INPP4B: variants seen among roughly 807,000 people sequenced by gnomAD.
The protein encoded by INPP4B is inositol polyphosphate-4-phosphatase type II B.
Under a neutral mutation model 122.5 loss-of-function variants are expected in INPP4B, and 55 were observed. The ratio of observed to expected loss-of-function variants is 0.45; its 90% CI spans 0.36 to 0.56. The LOEUF is 0.56. Ranked by LOEUF, INPP4B falls within the 20% of genes least tolerant of loss-of-function variation. The pLI, the probability that INPP4B is intolerant of heterozygous loss-of-function variation, is 0.00. For synonymous variants in INPP4B, 403 were observed against 388.7 expected (o/e 1.04, Z -0.43); for missense variants, 1,000 against 1,097.7 (o/e 0.91, Z 1.26).
chr4:142,607,992 G>A (rs747460317), intron 2 of INPP4B, among the ~76,000 whole-genome samples: 18 of 152,210 alleles, frequency 1.2e-4, no homozygotes, highest in Non-Finnish European at 1.8e-4. Flanking sequence ...ATCCAACCTT[G>A]TTCTATGCTT....
intron 25 of INPP4B, among the ~76,000 whole-genome samples, chr4:142,050,938 G>T (rs1488444358): frequency 6.6e-6 from 1 of 151,850 alleles, no homozygotes; most frequent in Admixed American, 6.6e-5. Context: ...ATTACATACA[G>T]ATAATTATTA....
intron 1 of INPP4B, among the ~76,000 whole-genome samples, chr4:142,809,885 A>G (rs1257358929): frequency 3.3e-5 from 5 of 151,994 alleles, no homozygotes; most frequent in Non-Finnish European, 7.4e-5. Flanking sequence ...AGAATTTATC[A>G]TGGGCCAGGC....
intron 2 of INPP4B, among the ~76,000 whole-genome samples, chr4:142,611,222 T>G (rs1742422412): frequency 6.6e-6 from 1 of 152,066 alleles, no homozygotes. Context: ...AGAACTGACT[T>G]ACTCTCAGGA....
At chr4:142,590,313 G>A (rs900366393) in intron 2 of INPP4B, among the ~76,000 whole-genome samples, 3 of 152,204 alleles carry the variant, frequency 2.0e-5, no homozygotes, top group Non-Finnish European at 4.4e-5. Flanking sequence ...AAGATACAAT[G>A]CAGAATTTAT....
intron 18 of INPP4B, among the ~76,000 whole-genome samples, chr4:142,128,203 T>C (rs1799489462): frequency 7.1e-6 from 1 of 141,042 alleles, no homozygotes; most frequent in South Asian, 2.4e-4. Flanking sequence ...TATAAATATA[T>C]ATATGTGTGT....
chr4:142,525,140 T>G (rs1484163135), intron 2 of INPP4B, among the ~76,000 whole-genome samples: 1 of 150,958 alleles, frequency 6.6e-6, no homozygotes, highest in African/African-American at 2.4e-5. Flanking sequence ...CATTCACAAT[T>G]GCTTCAAAGA....
chr4:142,545,743 G>A (rs201128797), intron 2 of INPP4B, among the ~76,000 whole-genome samples: 11 of 132,042 alleles, frequency 8.3e-5, no homozygotes, highest in African/African-American at 2.2e-4. Flanking sequence ...ACATATATGT[G>A]TATATATATA....
At chr4:142,783,330 C>A (rs911220787) in intron 1 of INPP4B, among the ~76,000 whole-genome samples, 21 of 152,066 alleles carry the variant, frequency 1.4e-4, no homozygotes, top group Non-Finnish European at 2.6e-4. Context: ...AAAAAACAAA[C>A]AACCCCTTCA....
chr4:142,474,429 G>T (rs576590000), intron 2 of INPP4B: 1 of 151,708 alleles, frequency 6.6e-6, no homozygotes, highest in Non-Finnish European at 1.5e-5. Context: ...GGCAGGCACA[G>T]CCTCCTGTTG....
chr4:142,763,642 A>G (rs1771661949), intron 1 of INPP4B, among the ~76,000 whole-genome samples: 1 of 152,148 alleles, frequency 6.6e-6, no homozygotes, highest in African/African-American at 2.4e-5. Flanking sequence ...TTGCTTTTCT[A>G]AAGAACAAAT....
At chr4:142,655,324 A>T (rs922019799) in intron 2 of INPP4B, among the ~76,000 whole-genome samples, 9 of 152,210 alleles carry the variant, frequency 5.9e-5, no homozygotes, top group African/African-American at 2.2e-4. Flanking sequence ...GCTTTCATTT[A>T]CAGGGAATAG....
chr4:142,723,892 T>C (rs1765012272), intron 2 of INPP4B, among the ~76,000 whole-genome samples: 2 of 152,116 alleles, frequency 1.3e-5, no homozygotes, highest in South Asian at 4.1e-4. Flanking sequence ...TCAACAAATC[T>C]ATAGGACCAG....
At chr4:142,765,376 C>T (rs139817823) in intron 1 of INPP4B, among the ~76,000 whole-genome samples, 120 of 152,244 alleles carry the variant, frequency 7.9e-4, no homozygotes, top group Non-Finnish European at 1.4e-3. Flanking sequence ...CTGAGTATAT[C>T]ATGAGTCTTA....
chr4:142,662,792 T>C (rs961032152), intron 2 of INPP4B, among the ~76,000 whole-genome samples: 1 of 152,206 alleles, frequency 6.6e-6, no homozygotes, highest in Admixed American at 6.5e-5. Flanking sequence ...TTGGAGCAGC[T>C]AAAGTAAACC....
At chr4:142,522,583 CTG>C (rs1175779501) in intron 2 of INPP4B, among the ~76,000 whole-genome samples, 1 of 151,904 alleles carries the variant, frequency 6.6e-6, no homozygotes, top group African/African-American at 2.4e-5. Flanking sequence ...TATGCCAAGT[CTG>C]TATAATAAAG....
At chr4:142,123,095 T>C (rs538921212) in intron 20 of INPP4B, among the ~76,000 whole-genome samples, 197 bp downstream of exon 20, 1 of 152,230 alleles carries the variant, frequency 6.6e-6, no homozygotes, top group African/African-American at 2.4e-5. Flanking sequence ...TGAAATAATC[T>C]ATAATTCCAT....
chr4:142,694,983 T>C (rs1475978420), intron 2 of INPP4B, among the ~76,000 whole-genome samples: 1 of 152,146 alleles, frequency 6.6e-6, no homozygotes, highest in African/African-American at 2.4e-5. Context: ...AATAGGGTCT[T>C]GTGGTGGGGG....
At chr4:142,514,589 T>C (rs1236490256) in intron 2 of INPP4B, 1 of 152,146 alleles carries the variant, frequency 6.6e-6, no homozygotes, top group Admixed American at 6.6e-5. Context: ...GCATGGGCTA[T>C]GAATGGATGC....
chr4:142,301,356 T>G (rs1761319864), intron 9 of INPP4B, among the ~76,000 whole-genome samples: 2 of 152,122 alleles, frequency 1.3e-5, no homozygotes, highest in African/African-American at 4.8e-5. Context: ...TTGAGACTCC[T>G]AAAACCCATT....
Sources: gnomAD v4.1 joint callset for allele counts (sites outside exome capture counted in the v4.1 genomes callset) on GRCh38, gnomAD v4.1.1 for gene constraint, MANE v1.5 for transcripts, NCBI Gene and HGNC (gene_info 2026-07-23, HGNC 2026-07-21) for gene names.